CACNG2: variants seen among roughly 807,000 people sequenced by gnomAD.
The protein encoded by CACNG2 is calcium voltage-gated channel auxiliary subunit gamma 2, also known as voltage-dependent calcium channel gamma-2 subunit.
In CACNG2, 3 loss-of-function variants were observed where a neutral mutation model predicts 25.9. The ratio of observed to expected loss-of-function variants is 0.12; its 90% CI spans 0.05 to 0.30. CACNG2 has a LOEUF of 0.30. Ranked by LOEUF, CACNG2 falls within the 10% of genes least tolerant of loss-of-function variation. The probability of loss-of-function intolerance (pLI) is 1.00; values close to 1 mark genes in which losing one functional copy is unlikely to be tolerated. For synonymous variants in CACNG2, 167 were observed against 173.3 expected (o/e 0.96, Z 0.29); for missense variants, 341 against 432.5 (o/e 0.79, Z 1.88).
rs1373660505 is a variant in CACNG2, at chr22:36,563,063, T to A, written c.*1288A>T. 1 of 152,202 alleles carries A rather than the reference T, an allele frequency of 6.6e-6. No individual in the cohort carries two copies. Among genetic ancestry groups the A allele is most frequent in the Non-Finnish European group, 1.5e-5 (1 of 68,034 alleles). 9.4% of individuals were successfully genotyped at this position (152,202 alleles called of 1,614,324 possible). The stretch of plus-strand genomic sequence containing the variant: ...ATTAAAAGAAAAATACTATCTGATT[T>A]TCTTGCAAGTAAATCCACTTATTTT... On this transcript the variant is annotated 3_prime_UTR_variant, in exon 4 of 4. Transcript: ENST00000300105.
chr22:36,665,707 A>G (rs1936865870), intron 1 of CACNG2, among the ~76,000 whole-genome samples: 1 of 152,234 alleles, frequency 6.6e-6, no homozygotes, highest in African/African-American at 2.4e-5. Context: ...CTATCAAAGC[A>G]AACAAACAAA....
intron 1 of CACNG2, among the ~76,000 whole-genome samples, chr22:36,690,368 C>T (rs1285520106): frequency 2.6e-5 from 2 of 75,898 alleles, no homozygotes; most frequent in African/African-American, 4.2e-5. Context: ...TTTTTTCCCC[C>T]CAAGGAACCA....
At position 36,561,909 on chromosome 22, in the gene CACNG2, C is replaced by T. The variant is rs549352089; in HGVS notation, c.*2442G>A. On this transcript the variant is annotated 3_prime_UTR_variant, in exon 4 of 4. Coordinates refer to ENST00000300105, the MANE Select transcript of CACNG2 (RefSeq NM_006078.5). ...GGGATGGAACTGCTAAAATTTTCCTCTCCATTCCCTCAGCCTTGAGCCCTC... is the reference window on the plus strand; with the variant it reads ...GGGATGGAACTGCTAAAATTTTCCTTTCCATTCCCTCAGCCTTGAGCCCTC... 1.3e-5 allele frequency: 2 copies of T among 152,380 alleles called. No individual in the cohort carries two copies. The highest frequency in any genetic ancestry group is 3.9e-4 in the East Asian group (2 of 5,180). The allele number at this position is 152,380 out of a possible 1,614,324, so 9.4% of individuals were successfully genotyped here.
At chr22:36,635,854 T>C (rs1272009184) in intron 1 of CACNG2, among the ~76,000 whole-genome samples, 2 of 152,192 alleles carry the variant, frequency 1.3e-5, no homozygotes. Flanking sequence ...CTGGGAGTCA[T>C]CCTGGATATT....
intron 1 of CACNG2, among the ~76,000 whole-genome samples, chr22:36,672,107 TAC>T (rs1220361507): frequency 6.6e-6 from 1 of 152,010 alleles, no homozygotes; most frequent in Non-Finnish European, 1.5e-5. Context: ...TTGCTATAGC[TAC>T]ACAGATTGGG....
intron 2 of CACNG2, among the ~76,000 whole-genome samples, chr22:36,580,294 C>T (rs1935391898): frequency 1.3e-5 from 2 of 152,142 alleles, no homozygotes; most frequent in Admixed American, 1.3e-4. Context: ...TCCTCCCTGC[C>T]TTGGCCGCCT....
intron 1 of CACNG2, among the ~76,000 whole-genome samples, chr22:36,688,863 A>G (rs1464566479): frequency 6.6e-6 from 1 of 152,198 alleles, no homozygotes; most frequent in South Asian, 2.1e-4. Context: ...ATCAGTATCC[A>G]TCTCAGCAAT....
intron 1 of CACNG2, among the ~76,000 whole-genome samples, chr22:36,594,962 G>A (rs1043069355): frequency 1.3e-5 from 2 of 151,420 alleles, no homozygotes; most frequent in African/African-American, 4.9e-5. Flanking sequence ...GTCTGTATGT[G>A]GGTAGTTTTG....
intron 1 of CACNG2, among the ~76,000 whole-genome samples, chr22:36,670,443 A>C (rs2746967): frequency 0.41 from 62,767 of 152,010 alleles, 15,434 homozygotes; most frequent in African/African-American, 0.69. Flanking sequence ...ATCTTTATAA[A>C]CTGACAGTCT....
At chr22:36,647,713 C>A (rs547536842) in intron 1 of CACNG2, among the ~76,000 whole-genome samples, 23 of 152,286 alleles carry the variant, frequency 1.5e-4, no homozygotes, top group African/African-American at 5.3e-4. Flanking sequence ...CTTTGCACAC[C>A]CTGTTGCCTC....
At chr22:36,655,682 T>C (rs1176752615) in intron 1 of CACNG2, among the ~76,000 whole-genome samples, 6 of 151,812 alleles carry the variant, frequency 4.0e-5, no homozygotes, top group Admixed American at 6.6e-5. Flanking sequence ...TCTCTTCCTT[T>C]CTTCCTTCCT....
intron 1 of CACNG2, among the ~76,000 whole-genome samples, chr22:36,618,379 C>T (rs1181214946): frequency 2.3e-5 from 2 of 87,978 alleles, no homozygotes; most frequent in Non-Finnish European, 4.5e-5. Context: ...GCTGCCCTTA[C>T]ATGAGCGACT....
intron 1 of CACNG2, among the ~76,000 whole-genome samples, chr22:36,633,351 T>C (rs529380476): frequency 6.6e-5 from 10 of 152,248 alleles, no homozygotes; most frequent in Non-Finnish European, 1.2e-4. Flanking sequence ...TTGTTCTTCC[T>C]AATGTCATTA....
intron 1 of CACNG2, among the ~76,000 whole-genome samples, chr22:36,627,732 C>T (rs1242674917): frequency 1.3e-5 from 2 of 151,982 alleles, no homozygotes; most frequent in African/African-American, 4.8e-5. Context: ...AAGCCATCCT[C>T]CCGCCTCAGC....
At chr22:36,599,724 T>C (rs138928661) in intron 1 of CACNG2, among the ~76,000 whole-genome samples, 1 of 152,286 alleles carries the variant, frequency 6.6e-6, no homozygotes, top group East Asian at 1.9e-4. Flanking sequence ...GAATGTTTTC[T>C]TGAGATAGGG....
Position 36,564,960 on chromosome 22 carries a change from C to T in CACNG2, c.437-74G>A. The T allele has an allele frequency of 1.4e-6, 2 of 1,408,482 alleles. No homozygotes were observed. Among genetic ancestry groups the T allele is most frequent in the Non-Finnish European group, 2.0e-6 (2 of 1,007,848 alleles). 87.2% of individuals were successfully genotyped at this position (1,408,482 alleles called of 1,614,324 possible). A position where few individuals can be genotyped will look rare whatever the true frequency, so the allele number is the denominator to read the frequency against. Reference sequence around the variant, plus strand: ...GTTTCTCAGGAAGTCGGCCACAGGGCAGCCGTAAAGGACGGGGACAGCTGT... The same window carrying T: ...GTTTCTCAGGAAGTCGGCCACAGGGTAGCCGTAAAGGACGGGGACAGCTGT... On this transcript the variant is annotated intron_variant, in intron 3 of 3. Transcript: ENST00000300105. This position sits in a 1 kb window ranked among gnomAD's most constrained non-coding sequence, Gnocchi z 6.7.
At chr22:36,622,936 G>A (rs541323224) in intron 1 of CACNG2, among the ~76,000 whole-genome samples, 4 of 150,526 alleles carry the variant, frequency 2.7e-5, no homozygotes, top group Admixed American at 2.0e-4. Context: ...TCCAGCCTGG[G>A]CAACAAGAGC....
At chr22:36,575,885 A>G (rs1935304389) in intron 2 of CACNG2, among the ~76,000 whole-genome samples, 1 of 152,214 alleles carries the variant, frequency 6.6e-6, no homozygotes, top group Non-Finnish European at 1.5e-5. Context: ...ACTCATCATT[A>G]GGATGAATTA....
intron 2 of CACNG2, among the ~76,000 whole-genome samples, chr22:36,582,396 C>A (rs992289613): frequency 7.0e-6 from 1 of 143,684 alleles, no homozygotes; most frequent in Non-Finnish European, 1.5e-5. Flanking sequence ...TTGCTGTTTG[C>A]TCTTTCTTTC....
Sources: allele counts gnomAD v4.1 joint callset (sites outside exome capture counted in the v4.1 genomes callset), GRCh38; gene constraint gnomAD v4.1.1; non-coding constraint Gnocchi (gnomAD v3.1); transcripts MANE v1.5; gene names NCBI Gene and HGNC (gene_info 2026-07-23, HGNC 2026-07-21).